TBC1D19: variants seen among roughly 807,000 people sequenced by gnomAD.
TBC1D19 encodes TBC1 domain family member 19.
A neutral mutation model predicts 89.0 loss-of-function variants in TBC1D19; 60 were observed. That is an observed-to-expected ratio of 0.67 (90% confidence interval 0.55 to 0.84). The LOEUF (loss-of-function observed/expected upper bound fraction) is 0.84. TBC1D19 is among the 40% of genes least tolerant of loss of function. TBC1D19 has a pLI of 0.00. For missense variants in TBC1D19, 500 were observed against 610.8 expected (o/e 0.82, Z 1.91); for synonymous variants, 189 against 199.7 (o/e 0.95, Z 0.45).
At chr4:26,812,658 A>G in the TBC1D19 span, among the ~76,000 whole-genome samples, 1 of 152,018 alleles carries the variant, frequency 6.6e-6, no homozygotes, top group African/African-American at 2.4e-5. This position sits in a 1 kb window ranked among gnomAD's most constrained non-coding sequence, Gnocchi z 4.2. Flanking sequence ...TTCCAGGACA[A>G]ATCCTCTTTT....
downstream of TBC1D19, among the ~76,000 whole-genome samples, chr4:26,759,003 C>G (rs574832246): frequency 6.6e-6 from 1 of 152,176 alleles, no homozygotes; most frequent in Non-Finnish European, 1.5e-5. Flanking sequence ...GCCTTTGGCC[C>G]TTTGCCCTTA....
chr4:26,597,230 T>C (rs889116676), intron 1 of TBC1D19, among the ~76,000 whole-genome samples: 4 of 152,248 alleles, frequency 2.6e-5, no homozygotes, highest in African/African-American at 9.6e-5. Flanking sequence ...TTTTTGCTTA[T>C]GTATTTAAAG....
chr4:26,735,638 G>A (rs1345051042), intron 16 of TBC1D19, 151 bp downstream of exon 16: 11 of 586,298 alleles, frequency 1.9e-5, no homozygotes, highest in East Asian at 1.4e-4. Context: ...TTCCCCATAG[G>A]GGCTTCATTT....
At chr4:26,680,472 A>G (rs983493299) in intron 11 of TBC1D19, among the ~76,000 whole-genome samples, 11 of 152,076 alleles carry the variant, frequency 7.2e-5, no homozygotes, top group African/African-American at 2.2e-4. Context: ...CTTAAACCTC[A>G]TGTCTTTCCT....
intron 7 of TBC1D19, among the ~76,000 whole-genome samples, chr4:26,653,250 T>A (rs569860962): frequency 6.6e-6 from 1 of 152,318 alleles, no homozygotes; most frequent in Admixed American, 6.5e-5. Context: ...TTATGATTTC[T>A]GTTCTTTTAC....
chr4:26,635,098 A>G (rs969369194), intron 4 of TBC1D19, among the ~76,000 whole-genome samples: 2 of 152,166 alleles, frequency 1.3e-5, no homozygotes, highest in Non-Finnish European at 2.9e-5. Flanking sequence ...GGTTCCTTAT[A>G]ATAGGATAAA....
the TBC1D19 span, among the ~76,000 whole-genome samples, chr4:26,785,152 C>T: frequency 6.6e-6 from 1 of 152,108 alleles, no homozygotes; most frequent in African/African-American, 2.4e-5. Context: ...ATCTCCCTAC[C>T]CACTCTAGCT....
chr4:26,799,329 C>T, the TBC1D19 span, among the ~76,000 whole-genome samples: 3 of 151,912 alleles, frequency 2.0e-5, no homozygotes, highest in Non-Finnish European at 2.9e-5. Context: ...GAAGCAAGAC[C>T]CTGTCTCAAA....
At chr4:26,736,293 A>G (rs1182821879) in intron 16 of TBC1D19, among the ~76,000 whole-genome samples, 4 of 142,766 alleles carry the variant, frequency 2.8e-5, no homozygotes, top group Admixed American at 7.2e-5. Flanking sequence ...CTATCGCAAG[A>G]ACAAAAAACC....
chr4:26,774,856 C>T, the TBC1D19 span, among the ~76,000 whole-genome samples: 13 of 152,236 alleles, frequency 8.5e-5, no homozygotes, highest in East Asian at 2.5e-3. Context: ...AGAGTGATAT[C>T]CCTCACAAGT....
At chr4:26,830,837 A>G in the TBC1D19 span, among the ~76,000 whole-genome samples, 1 of 152,202 alleles carries the variant, frequency 6.6e-6, no homozygotes, top group African/African-American at 2.4e-5. Context: ...TCAGTAAAGG[A>G]GTAATTTGCC....
chr4:26,775,115 T>C, the TBC1D19 span, among the ~76,000 whole-genome samples: 9 of 152,296 alleles, frequency 5.9e-5, no homozygotes, highest in African/African-American at 2.2e-4. Flanking sequence ...AGGGCAGTAC[T>C]GCTATGATTT....
intron 4 of TBC1D19, among the ~76,000 whole-genome samples, chr4:26,632,305 T>G (rs971035762): frequency 6.6e-6 from 1 of 151,978 alleles, no homozygotes; most frequent in East Asian, 1.9e-4. Flanking sequence ...ACTAATAGCC[T>G]ACTGTTGACC....
chr4:26,782,101 A>G, the TBC1D19 span, among the ~76,000 whole-genome samples: 1 of 152,184 alleles, frequency 6.6e-6, no homozygotes, highest in East Asian at 1.9e-4. Flanking sequence ...ATATGTATCT[A>G]TATTTAAGAT....
At chr4:26,721,782 CA>C (rs370481013) in intron 15 of TBC1D19, among the ~76,000 whole-genome samples, 18 of 152,188 alleles carry the variant, frequency 1.2e-4, no homozygotes, top group African/African-American at 4.3e-4. Context: ...ATAGCAATAT[CA>C]AACTATTTAT....
At position 26,755,335 on chromosome 4, in the gene TBC1D19, T is replaced by C. The variant is rs1719207460; in HGVS notation, c.*388T>C. ...TAATTCTTTTATGTCAGTTTATAAA[T>C]TTATCTCTAGATAATGTATTGTTTT... On this transcript the variant is annotated 3_prime_UTR_variant, in exon 21 of 21. Coordinates refer to ENST00000264866, the MANE Select transcript of TBC1D19 (RefSeq NM_018317.4). The C allele has an allele frequency of 6.6e-6, 1 of 152,496 alleles. No individual in the cohort carries two copies. Among genetic ancestry groups the C allele is most frequent in the South Asian group, 2.1e-4 (1 of 4,826 alleles). 9.4% of individuals were successfully genotyped at this position (152,496 alleles called of 1,614,324 possible).
upstream of TBC1D19, among the ~76,000 whole-genome samples, chr4:26,580,975 C>T (rs1739051139): frequency 6.6e-6 from 1 of 152,180 alleles, no homozygotes; most frequent in Admixed American, 6.5e-5. Flanking sequence ...CAGGGTTGGG[C>T]CCAGAGCCCT....
At chr4:26,637,356 T>A (rs41267461) in intron 5 of TBC1D19, 71 bp downstream of exon 5, 8 of 1,208,044 alleles carry the variant, frequency 6.6e-6, no homozygotes, top group Non-Finnish European at 9.6e-6. Flanking sequence ...TGAAGTTATA[T>A]AACTGTTAGG....
chr4:26,667,496 T>C (rs1711916421), intron 9 of TBC1D19, among the ~76,000 whole-genome samples: 1 of 152,074 alleles, frequency 6.6e-6, no homozygotes, highest in Non-Finnish European at 1.5e-5. Context: ...CAAATTATAT[T>C]TGTGACATTT....
Sources: gnomAD v4.1 joint callset for allele counts (sites outside exome capture counted in the v4.1 genomes callset) on GRCh38, gnomAD v4.1.1 for gene constraint, Gnocchi (gnomAD v3.1) non-coding constraint, MANE v1.5 for transcripts, NCBI Gene and HGNC (gene_info 2026-07-23, HGNC 2026-07-21) for gene names.